ZNF410: variants seen among roughly 807,000 people sequenced by gnomAD.
The protein encoded by ZNF410 is another partner for ARF 1.
In ZNF410, 18 loss-of-function variants were observed where a neutral mutation model predicts 54.8. That is an observed-to-expected ratio of 0.33 (90% confidence interval 0.23 to 0.49). The LOEUF (loss-of-function observed/expected upper bound fraction) is 0.49. Among genes scored for constraint, ZNF410 ranks in the 20% least tolerant of loss-of-function variants. ZNF410 has a pLI of 0.99. For missense variants in ZNF410, 405 were observed against 569.6 expected (o/e 0.71, Z 2.94); for synonymous variants, 191 against 207.3 (o/e 0.92, Z 0.68).
Position 73,898,236 on chromosome 14 carries a change from C to T in ZNF410, c.554C>T (p.Ala185Val). 2 of 1,614,010 alleles carry T rather than the reference C, an allele frequency of 1.2e-6. No individual in the cohort carries two copies. The highest frequency in any genetic ancestry group is 1.7e-6 in the Non-Finnish European group (2 of 1,179,948). ...SLIAATRAQL[A>V]KNAKTSSNGE... is the part of the protein sequence containing the mutation. ...ATTGCTGCTACTCGTGCACAACTGG[C>T]AAAGAATGCAAAAACCAGCAGCAAT... Residue 185 changes from alanine (A) to valine (V), a missense_variant, in exon 5 of 12, where the codon GCA becomes GTA. Physicochemically the swap from Ala to Val is moderately conservative, Grantham distance 64. Coordinates refer to ENST00000555044, the MANE Select transcript of ZNF410 (RefSeq NM_021188.3).
At chr14:73,908,531 T>C (rs2140309887) in intron 7 of ZNF410, among the ~76,000 whole-genome samples, 1 of 152,274 alleles carries the variant, frequency 6.6e-6, no homozygotes, top group East Asian at 1.9e-4. Context: ...TGTGGTACAG[T>C]CTAAAAGAAT....
intron 2 of ZNF410, 174 bp from the exon 3 acceptor site, chr14:73,893,623 T>A (rs919792307): frequency 3.4e-5 from 22 of 656,172 alleles, no homozygotes; most frequent in South Asian, 8.0e-5. Flanking sequence ...ATAAATCAGC[T>A]GTTCTCTAGA....
chr14:73,913,322 GT>G (rs1314899243), intron 8 of ZNF410: 1 of 152,142 alleles, frequency 6.6e-6, no homozygotes, highest in Non-Finnish European at 1.5e-5. Context: ...TTCAAGGACA[GT>G]TATAAGATAA....
chr14:73,928,403 T>C (rs1183444092), intron 11 of ZNF410, among the ~76,000 whole-genome samples: 1 of 152,048 alleles, frequency 6.6e-6, no homozygotes, highest in Non-Finnish European at 1.5e-5. Context: ...AATTGAGAGC[T>C]GGAAAGATAA....
At chr14:73,914,640 T>G (rs1341745629) in intron 8 of ZNF410, 1 of 148,728 alleles carries the variant, frequency 6.7e-6, no homozygotes, top group Non-Finnish European at 1.5e-5. Context: ...TTTTTTTTTT[T>G]TTTTTGGAGA....
chr14:73,913,579 T>C (rs1207925587), intron 8 of ZNF410: 1 of 152,246 alleles, frequency 6.6e-6, no homozygotes, highest in Non-Finnish European at 1.5e-5. Flanking sequence ...ATGTGACCTG[T>C]CATGATTAAC....
At chr14:73,929,182 C>T (rs142846528) in intron 11 of ZNF410, among the ~76,000 whole-genome samples, 105 of 152,250 alleles carry the variant, frequency 6.9e-4, no homozygotes, top group African/African-American at 2.4e-3. Context: ...GCATTATTCT[C>T]CTCCTCGTAT....
intron 11 of ZNF410, among the ~76,000 whole-genome samples, chr14:73,923,918 T>C (rs2055791106): frequency 6.6e-6 from 1 of 152,196 alleles, no homozygotes; most frequent in African/African-American, 2.4e-5. Context: ...GGGTGAAATT[T>C]CTGTACCAGA....
chr14:73,901,420 A>ATT (rs369316873), intron 5 of ZNF410, among the ~76,000 whole-genome samples: 1 of 138,178 alleles, frequency 7.2e-6, no homozygotes. Flanking sequence ...TTTCTGAGGG[A>ATT]TTTTTTTTTT....
intron 5 of ZNF410, among the ~76,000 whole-genome samples, chr14:73,900,961 A>G (rs1225359306): frequency 6.6e-6 from 1 of 152,232 alleles, no homozygotes; most frequent in Non-Finnish European, 1.5e-5. Flanking sequence ...TTGCACTAAC[A>G]TGTAATGAAG....
intron 11 of ZNF410, 97 bp from the exon 12 acceptor site, chr14:73,931,406 C>A: frequency 9.6e-7 from 1 of 1,045,376 alleles, no homozygotes; most frequent in Non-Finnish European, 1.4e-6. Flanking sequence ...CCCTGTAGTG[C>A]ATTCTCCATC....
intron 7 of ZNF410, chr14:73,905,778 A>G (rs1205737457): frequency 1.3e-5 from 2 of 151,740 alleles, no homozygotes; most frequent in African/African-American, 4.8e-5. Flanking sequence ...ACTCTTCTTG[A>G]TTCTTGCATT....
At chr14:73,889,342 T>C (rs2055188001) in intron 1 of ZNF410, among the ~76,000 whole-genome samples, 1 of 149,492 alleles carries the variant, frequency 6.7e-6, no homozygotes, top group Non-Finnish European at 1.5e-5. Context: ...TGATGCTAAT[T>C]GAAAAATTTT....
intron 2 of ZNF410, 102 bp downstream of exon 2, chr14:73,892,310 A>G: frequency 8.8e-7 from 1 of 1,131,380 alleles, no homozygotes; most frequent in Non-Finnish European, 1.3e-6. Flanking sequence ...TGGGCCAGAT[A>G]ATAAATATTT....
At chr14:73,922,298 A>C in intron 10 of ZNF410, 92 bp downstream of exon 10, 2,735 of 1,284,180 alleles carry the variant, frequency 2.1e-3, no homozygotes, top group Middle Eastern at 2.7e-3. Flanking sequence ...TTTAAATCTC[A>C]TTTCTTATGA....
intron 11 of ZNF410, among the ~76,000 whole-genome samples, chr14:73,929,218 C>T (rs547816328): frequency 2.2e-4 from 34 of 152,090 alleles, no homozygotes; most frequent in Admixed American, 4.6e-4. Flanking sequence ...TGCTTATCCC[C>T]TCCTTTTCTT....
chr14:73,910,905 G>T (rs72627131), intron 8 of ZNF410, among the ~76,000 whole-genome samples: 1 of 146,042 alleles, frequency 6.8e-6, no homozygotes, highest in Non-Finnish European at 1.5e-5. Flanking sequence ...AGGAGGGAAA[G>T]GGGGCTTTCC....
chr14:73,892,314 A>C, intron 2 of ZNF410, 106 bp downstream of exon 2: 1 of 1,099,262 alleles, frequency 9.1e-7, no homozygotes, highest in South Asian at 1.5e-5. Context: ...CCAGATAATA[A>C]ATATTTTAGG....
At chr14:73,898,024 A>T in intron 4 of ZNF410, 47 bp from the exon 5 acceptor site, 1 of 1,554,710 alleles carries the variant, frequency 6.4e-7, no homozygotes, top group Non-Finnish European at 8.7e-7. Flanking sequence ...AGGGCAAATA[A>T]AAAGCTTGCT....
Sources: gnomAD v4.1 joint callset for allele counts (sites outside exome capture counted in the v4.1 genomes callset) on GRCh38, gnomAD v4.1.1 for gene constraint, MANE v1.5 for transcripts, NCBI Gene and HGNC (gene_info 2026-07-23, HGNC 2026-07-21) for gene names.